Variants in PREP observed in about 807,000 individuals in gnomAD.
PREP encodes prolyl endopeptidase.
In PREP, 29 loss-of-function variants were observed where a neutral mutation model predicts 87.6. The ratio of observed to expected loss-of-function variants is 0.33; its 90% CI spans 0.25 to 0.45. PREP has a LOEUF of 0.45. PREP is among the 20% of genes least tolerant of loss of function. The pLI is 1.00. For synonymous variants in PREP, 337 were observed against 328.6 expected (o/e 1.03, Z -0.28); for missense variants, 695 against 886.5 (o/e 0.78, Z 2.74).
At chr6:105,310,603 G>A (rs1349437367) in intron 10 of PREP, among the ~76,000 whole-genome samples, 1 of 152,102 alleles carries the variant, frequency 6.6e-6, no homozygotes, top group Admixed American at 6.5e-5. Context: ...TGTTGGTTCA[G>A]CTCTCACCTC....
intron 10 of PREP, among the ~76,000 whole-genome samples, chr6:105,306,805 T>A (rs541435768): frequency 1.4e-5 from 2 of 145,498 alleles, no homozygotes; most frequent in East Asian, 4.4e-4. Context: ...ACTCTAATTC[T>A]CTAAGCACCT....
intron 10 of PREP, among the ~76,000 whole-genome samples, chr6:105,292,244 C>T (rs903291747): frequency 2.0e-5 from 3 of 152,148 alleles, no homozygotes; most frequent in African/African-American, 4.8e-5. Flanking sequence ...ATCAGAGGAA[C>T]GTATGGCAAC....
intron 2 of PREP, 45 bp from the exon 3 acceptor site, chr6:105,377,564 T>A: frequency 6.3e-7 from 1 of 1,597,296 alleles, no homozygotes. Context: ...ATATAAAATT[T>A]TCCATGTGAA....
chr6:105,309,707 C>T (rs550637084), intron 10 of PREP, among the ~76,000 whole-genome samples: 21 of 152,236 alleles, frequency 1.4e-4, no homozygotes, highest in Middle Eastern at 3.4e-3. Flanking sequence ...CCTGCACTGA[C>T]GCCCCCAGAC....
chr6:105,331,499 C>T (rs1183735254), intron 8 of PREP, among the ~76,000 whole-genome samples: 3 of 152,146 alleles, frequency 2.0e-5, no homozygotes, highest in South Asian at 2.1e-4. Context: ...TGACTTGTGC[C>T]GGAAAACTCC....
intron 6 of PREP, among the ~76,000 whole-genome samples, chr6:105,360,801 T>G (rs2114693409): frequency 6.6e-6 from 1 of 152,278 alleles, no homozygotes; most frequent in South Asian, 2.1e-4. Context: ...AAATAAATGT[T>G]TTTACAAAAT....
rs542488395 is a variant in PREP at position 105,356,713 on chromosome 6, G to A, written c.718-3636C>T. The stretch of plus-strand genomic sequence containing the variant: ...CTCTTTCCTGGATCAGTCTGGGGCA[G>A]CCTATTGATCAATATCTGAAAACAG... On this transcript the variant is annotated intron_variant, in intron 6 of 14. Transcript: ENST00000652536. Among the ~76,000 whole-genome samples the A allele has an allele frequency of 3.3e-5, 5 of 152,312 alleles. No homozygotes were observed. In the South Asian group the frequency reaches 1.0e-3, roughly 32 times the overall value.
intron 6 of PREP, among the ~76,000 whole-genome samples, chr6:105,360,032 T>C (rs576569192): frequency 6.2e-4 from 95 of 152,336 alleles, no homozygotes; most frequent in Non-Finnish European, 8.1e-4. Context: ...CCTGTAAATA[T>C]GCAGTGTGTA....
At chr6:105,353,104 G>C in intron 6 of PREP, 27 bp from the exon 7 acceptor site, 1 of 1,504,884 alleles carries the variant, frequency 6.6e-7, no homozygotes, top group Non-Finnish European at 9.2e-7. Flanking sequence ...AATAGTGCAG[G>C]GGACTAATTA....
intron 10 of PREP, chr6:105,323,183 C>T (rs182591655): frequency 1.7e-6 from 2 of 1,149,932 alleles, no homozygotes; most frequent in Non-Finnish European, 2.4e-6. Context: ...GGTGACATGA[C>T]AATTAATTAA....
intron 10 of PREP, chr6:105,322,521 T>C: frequency 2.0e-6 from 2 of 985,880 alleles, no homozygotes; most frequent in South Asian, 4.7e-5. Flanking sequence ...ATCAAGAATG[T>C]TGTACTTTTA....
chr6:105,351,198 T>C (rs748888053), intron 7 of PREP, among the ~76,000 whole-genome samples: 11 of 152,198 alleles, frequency 7.2e-5, no homozygotes, highest in Non-Finnish European at 1.5e-4. Flanking sequence ...CCATTGACTT[T>C]AATGAAGAGA....
chr6:105,364,297 C>G (rs556647845), intron 6 of PREP, among the ~76,000 whole-genome samples: 2 of 152,312 alleles, frequency 1.3e-5, no homozygotes, highest in South Asian at 4.1e-4. Flanking sequence ...GCTGTCACAG[C>G]GTGACGGAGG....
chr6:105,386,812 T>A (rs1255411168), intron 2 of PREP, among the ~76,000 whole-genome samples: 2 of 152,214 alleles, frequency 1.3e-5, no homozygotes, highest in Non-Finnish European at 2.9e-5. Context: ...AGCTTCAGCA[T>A]TTGTATTTTT....
intron 10 of PREP, among the ~76,000 whole-genome samples, chr6:105,310,275 C>T (rs536102537): frequency 6.6e-6 from 1 of 152,186 alleles, no homozygotes; most frequent in East Asian, 1.9e-4. Flanking sequence ...ATTATTTTAA[C>T]TAGCAAAAAT....
chr6:105,341,288 C>G (rs142492491), intron 7 of PREP, among the ~76,000 whole-genome samples: 17 of 152,326 alleles, frequency 1.1e-4, no homozygotes, highest in African/African-American at 4.1e-4. Flanking sequence ...TCAATGACTA[C>G]TGGGTACATA....
At chr6:105,327,659 C>G (rs1190503500) in intron 9 of PREP, among the ~76,000 whole-genome samples, 1 of 152,198 alleles carries the variant, frequency 6.6e-6, no homozygotes, top group South Asian at 2.1e-4. Context: ...GAGCACCTGC[C>G]TTGCTCTCCC....
rs368358593 is a variant in PREP, at chr6:105,281,838, G to A, written c.1746C>T (p.Asp582=). 6 of 1,614,084 alleles carry A rather than the reference G, an allele frequency of 3.7e-6. No homozygotes were observed. The highest frequency in any genetic ancestry group is 5.1e-6 in the Non-Finnish European group (6 of 1,180,026). The change falls in exon 14 of 15, where the codon GAC becomes GAT. Residue 582 remains aspartate, a synonymous_variant. Transcript: ENST00000652536. ...GCVIAQVGVM[D]MLKFHKYTIG... Reference sequence around the variant, plus strand: ...TGGTATATTTATGAAACTTCAGCATGTCCATTACTCCAACTTGGGCAATAA... The same window carrying A: ...TGGTATATTTATGAAACTTCAGCATATCCATTACTCCAACTTGGGCAATAA...
chr6:105,313,259 T>C (rs1019321439), intron 10 of PREP, among the ~76,000 whole-genome samples: 3 of 152,118 alleles, frequency 2.0e-5, no homozygotes, highest in African/African-American at 7.2e-5. Context: ...ACTGGGTCTA[T>C]TTTTACTCAC....
Sources: gnomAD v4.1 joint callset for allele counts (sites outside exome capture counted in the v4.1 genomes callset) on GRCh38, gnomAD v4.1.1 for gene constraint, MANE v1.5 for transcripts, NCBI Gene and HGNC (gene_info 2026-07-23, HGNC 2026-07-21) for gene names.